Variants in PTCHD1 observed in about 807,000 individuals in gnomAD.
The protein encoded by PTCHD1 is patched domain containing 1, also known as patched domain-containing protein 1.
A neutral mutation model predicts 34.6 loss-of-function variants in PTCHD1; 3 were observed. The observed-to-expected ratio is 0.09, with a 90% CI of 0.04 to 0.22. The LOEUF is 0.22. Ranked by LOEUF, PTCHD1 falls within the 10% of genes least tolerant of loss-of-function variation. The pLI is 1.00. For missense variants in PTCHD1, 504 were observed against 685.5 expected, an observed-to-expected ratio of 0.74 and a Z score of 2.96; for synonymous variants, 305 against 283.1, an observed-to-expected ratio of 1.08 and a Z score of -0.77.
chrX:23,359,556 G>A (rs980114674), intron 1 of PTCHD1, among the ~76,000 whole-genome samples: 10 of 112,057 alleles, frequency 8.9e-5, no homozygotes, highest in African/African-American at 2.6e-4. Flanking sequence ...GGGCTGAGAC[G>A]ATGGGATTTT....
rs1416183053 is a variant in PTCHD1 at position 23,370,205 on chromosome X, G to A, written c.352-9386G>A. On this transcript the variant is annotated intron_variant, in intron 1 of 2. Transcript: ENST00000379361. The stretch of plus-strand genomic sequence containing the variant: ...CCATTTTACAGATGAATAAGCTGAG[G>A]CAAGGGATAGCCATTACATAATAGC... Among the ~76,000 whole-genome samples the A allele has an allele frequency of 4.5e-5, 5 of 111,803 alleles. No individual in the cohort carries two copies. The Admixed American group carries it at 4.7e-4, about 11-fold the overall frequency.
At chrX:23,347,852 T>A (rs1450634596) in intron 1 of PTCHD1, among the ~76,000 whole-genome samples, 3 of 110,701 alleles carry the variant, frequency 2.7e-5, no homozygotes, top group Admixed American at 9.6e-5. Context: ...CAAAAAAATT[T>A]AAAAAATATT....
At chrX:23,364,049 C>A (rs1922065750) in intron 1 of PTCHD1, among the ~76,000 whole-genome samples, 1 of 111,914 alleles carries the variant, frequency 8.9e-6, no homozygotes, top group Admixed American at 9.5e-5. Flanking sequence ...TTGATAAGCA[C>A]AACAAGATGG....
At chrX:23,342,251 A>T (rs930739938) in intron 1 of PTCHD1, among the ~76,000 whole-genome samples, 2 of 84,844 alleles carry the variant, frequency 2.4e-5, no homozygotes, top group African/African-American at 3.7e-5. Flanking sequence ...GCATTTTCAT[A>T]TGCTGTGTTT....
chrX:23,393,408 C>T lies in PTCHD1; in HGVS notation c.1890C>T (p.Ile630=), dbSNP rs752726739. The part of the protein sequence containing the change: ...APQFSHFQED[I]IFSKKYNDEV... ...AATTTTCACATTTTCAAGAGGACAT[C>T]ATCTTCTCTAAAAAATACAATGATG... The change falls in exon 3 of 3, where the codon ATC becomes ATT. Residue 630 remains isoleucine, a synonymous_variant. Coordinates refer to ENST00000379361, the MANE Select transcript of PTCHD1 (RefSeq NM_173495.3). 3 of 1,209,347 alleles carry T rather than the reference C, an allele frequency of 2.5e-6. No individual in the cohort carries two copies. The highest frequency in any genetic ancestry group is 2.3e-4 in the Middle Eastern group (1 of 4,353).
chrX:23,382,251 TATA>T (rs1377190209), intron 2 of PTCHD1, among the ~76,000 whole-genome samples: 1 of 112,451 alleles, frequency 8.9e-6, no homozygotes, highest in Non-Finnish European at 1.9e-5. Flanking sequence ...AAAATAAAAT[TATA>T]ATATTTAAAG....
intron 1 of PTCHD1, among the ~76,000 whole-genome samples, chrX:23,349,377 T>C (rs1418142564): frequency 9.0e-6 from 1 of 111,601 alleles, no homozygotes; most frequent in African/African-American, 3.3e-5. Context: ...CAAAGTGGAT[T>C]ATGGAAACAA....
At chrX:23,382,625 A>C (rs756063322) in intron 2 of PTCHD1, among the ~76,000 whole-genome samples, 1 of 113,062 alleles carries the variant, frequency 8.8e-6, no homozygotes, top group African/African-American at 3.2e-5. Context: ...AGTTCAATTC[A>C]GAAAAAATCT....
chrX:23,390,346 C>A (rs199552583), intron 2 of PTCHD1, among the ~76,000 whole-genome samples: 2,594 of 95,977 alleles, frequency 0.027, 66 homozygotes, highest in African/African-American at 0.08. Context: ...AAAAAAAAAA[C>A]AAAAAAAACA....
At chrX:23,384,849 T>C (rs991429574) in intron 2 of PTCHD1, among the ~76,000 whole-genome samples, 15 of 111,830 alleles carry the variant, frequency 1.3e-4, no homozygotes, top group African/African-American at 4.5e-4. Flanking sequence ...GGTACCATTA[T>C]CTGGTCATTT....
chrX:23,339,425 C>A (rs1194579599), intron 1 of PTCHD1, among the ~76,000 whole-genome samples: 1 of 112,049 alleles, frequency 8.9e-6, no homozygotes, highest in Admixed American at 9.5e-5. Flanking sequence ...AAGGACGCAT[C>A]CTCACATAGC....
At position 23,335,108 on chromosome X, in the gene PTCHD1, G is replaced by A. The variant is rs778361854; in HGVS notation, c.233G>A (p.Arg78His). 7 of 1,209,642 alleles carry A rather than the reference G, an allele frequency of 5.8e-6. No individual in the cohort carries two copies. The East Asian group carries it at 1.8e-4, about 31-fold the overall frequency. ...NLVNSLFPVNRSKHRLYSDLQ... is the reference protein window; with the variant it reads ...NLVNSLFPVNHSKHRLYSDLQ... ...GTTAACAGCCTCTTCCCGGTCAACC[G>A]CTCCAAGCACCGTCTCTACTCGGAC... The change falls in exon 1 of 3, where the codon CGC becomes CAC. Residue 78 changes from arginine to histidine, a missense_variant. Coordinates refer to ENST00000379361, the MANE Select transcript of PTCHD1 (RefSeq NM_173495.3).
chrX:23,360,449 G>C (rs1057505422), intron 1 of PTCHD1, among the ~76,000 whole-genome samples: 1 of 112,094 alleles, frequency 8.9e-6, no homozygotes, highest in Non-Finnish European at 1.9e-5. Context: ...GATGTTTATA[G>C]TATTCTCTGA....
intron 1 of PTCHD1, among the ~76,000 whole-genome samples, chrX:23,366,725 G>A (rs1029356869): frequency 2.7e-5 from 3 of 111,632 alleles, no homozygotes; most frequent in African/African-American, 9.8e-5. Flanking sequence ...CTTGTTGCTT[G>A]TCTTTATCTC....
rs1038358709 is a variant in PTCHD1 at position 23,399,858 on chromosome X, A to C, written c.*5673A>C. ...TTGCAACAAATTATATATAGCCTCA[A>C]ATTTTCAGTAACCATCCCACACACA... On this transcript the variant is annotated 3_prime_UTR_variant, in exon 3 of 3. Coordinates refer to ENST00000379361, the MANE Select transcript of PTCHD1 (RefSeq NM_173495.3). 1 of 111,613 alleles carries C rather than the reference A, an allele frequency of 9.0e-6. No homozygotes were observed. The highest frequency in any genetic ancestry group is 3.3e-5 in the African/African-American group (1 of 30,652). The allele number at this position is 111,613 out of a possible 1,213,427, so 9.2% of individuals were successfully genotyped here. A position where few individuals can be genotyped will look rare whatever the true frequency, so the allele number is the denominator to read the frequency against.
At chrX:23,356,067 A>T (rs1220134489) in intron 1 of PTCHD1, among the ~76,000 whole-genome samples, 1 of 111,706 alleles carries the variant, frequency 9.0e-6, no homozygotes, top group African/African-American at 3.3e-5. Flanking sequence ...CTCGAGTCAG[A>T]ATTAGCTAGT....
In PTCHD1 at chrX:23,393,910, A is replaced by C; in HGVS notation, c.2392A>C (p.Ile798Leu). The C allele has an allele frequency of 8.3e-7, 1 of 1,211,076 alleles. No homozygotes were observed. The highest frequency in any genetic ancestry group is 1.1e-6 in the Non-Finnish European group (1 of 895,146). ...KNALEVHGVA[I>L]LQSYLCYIVG... The stretch of plus-strand genomic sequence containing the variant: ...TGCCCTGGAAGTGCATGGGGTAGCT[A>C]TTTTACAGAGTTACCTCTGCTATAT... Residue 798 changes from isoleucine to leucine, a missense_variant, in exon 3 of 3, where the codon ATT (isoleucine) becomes CTT (leucine). Physicochemically the swap from Ile to Leu is conservative, Grantham distance 5. Coordinates refer to ENST00000379361, the MANE Select transcript of PTCHD1 (RefSeq NM_173495.3).
rs941984752 is a variant in PTCHD1, at chrX:23,399,829, ACT to A, written c.*5645_*5646del. 4.5e-5 allele frequency: 5 copies of A among 111,525 alleles called. No homozygotes were observed. Among genetic ancestry groups the A allele is most frequent in the Non-Finnish European group, 9.4e-5 (5 of 53,085 alleles). 9.2% of individuals were successfully genotyped at this position (111,525 alleles called of 1,213,427 possible). ...AACACCAGGTTGCTACCACATTCTC[ACT>A]GTTGCAACAAATTATATATAGCCTC... On this transcript the variant is annotated 3_prime_UTR_variant, in exon 3 of 3. Transcript: ENST00000379361.
intron 1 of PTCHD1, among the ~76,000 whole-genome samples, chrX:23,366,674 A>G (rs1229153428): frequency 2.7e-5 from 3 of 110,719 alleles, no homozygotes; most frequent in East Asian, 5.7e-4. Context: ...AATACTCTGC[A>G]CTTCTTTTGT....
Sources: gnomAD v4.1 joint callset for allele counts (sites outside exome capture counted in the v4.1 genomes callset) on GRCh38, gnomAD v4.1.1 for gene constraint, MANE v1.5 for transcripts, NCBI Gene and HGNC (gene_info 2026-07-23, HGNC 2026-07-21) for gene names.